Variants in ZNF79 observed in about 807,000 individuals in gnomAD.
The protein encoded by ZNF79 is zinc finger protein 79, also known as ZNFpT7.
ZNF79 carries 13 observed loss-of-function variants against 14.9 expected under a neutral mutation model. The observed-to-expected ratio is 0.87, with a 90% CI of 0.57 to 1.38. The LOEUF (loss-of-function observed/expected upper bound fraction) is 1.38. Ranked by LOEUF, ZNF79 falls within the 40% of genes most tolerant of loss-of-function variation. The pLI, the probability that ZNF79 is intolerant of heterozygous loss-of-function variation, is 0.00. For missense variants in ZNF79, 631 were observed against 630.6 expected (o/e 1.00, Z -0.01); for synonymous variants, 223 against 235.1 (o/e 0.95, Z 0.47).
At chr9:127,436,071 G>A in intron 4 of ZNF79, 68 bp downstream of exon 4, 2 of 1,270,288 alleles carry the variant, frequency 1.6e-6, no homozygotes, top group Admixed American at 3.4e-5. Flanking sequence ...ACGCATGAGT[G>A]TATTTGATTA....
intron 1 of ZNF79, among the ~76,000 whole-genome samples, chr9:127,428,016 T>C (rs1833792162): frequency 6.6e-6 from 1 of 152,176 alleles, no homozygotes; most frequent in Non-Finnish European, 1.5e-5. Context: ...TGTCTCACTC[T>C]GTCAACCAGG....
intron 2 of ZNF79, among the ~76,000 whole-genome samples, chr9:127,433,193 C>T (rs1833890816): frequency 6.6e-6 from 1 of 152,046 alleles, no homozygotes; most frequent in African/African-American, 2.4e-5. Context: ...AGACTGGTTC[C>T]AATATGGAAA....
Position 127,445,345 on chromosome 9 carries a change from A to G in ZNF79, c.*148A>G, listed in dbSNP as rs1564240684. 4.1e-6 allele frequency: 3 copies of G among 725,748 alleles called. No individual in the cohort carries two copies. The highest frequency in any genetic ancestry group is 6.7e-6 in the Non-Finnish European group (3 of 447,918). The allele number at this position is 725,748 out of a possible 1,614,324, so 45.0% of individuals were successfully genotyped here. On this transcript the variant is annotated 3_prime_UTR_variant, in exon 5 of 5. Transcript: ENST00000342483. ...CAGAGCCACATGCAAAACACCTTCAATAAACAGCCACTATTTCACATGCTG... is the reference window on the plus strand; with the variant it reads ...CAGAGCCACATGCAAAACACCTTCAGTAAACAGCCACTATTTCACATGCTG...
Position 127,444,860 on chromosome 9 carries a change from A to G in ZNF79, c.1160A>G (p.Lys387Arg). 1 of 1,614,102 alleles carries G rather than the reference A, an allele frequency of 6.2e-7. No homozygotes were observed. Reference sequence around the variant, plus strand: ...CATCAGAGGACTCACACTGGGGAGAAACCCTACAAGTGCAGCGAGTGTGGG... The same window carrying G: ...CATCAGAGGACTCACACTGGGGAGAGACCCTACAAGTGCAGCGAGTGTGGG... ...TNHQRTHTGE[K>R]PYKCSECGKA... Residue 387 changes from lysine (K) to arginine (R), a missense_variant, in exon 5 of 5, where the codon AAA (lysine) becomes AGA (arginine). Coordinates refer to ENST00000342483, the MANE Select transcript of ZNF79 (RefSeq NM_007135.3).
chr9:127,444,463 G>T lies in ZNF79; in HGVS notation c.763G>T (p.Gly255Ter). The T allele has an allele frequency of 6.2e-7, 1 of 1,610,554 alleles. No individual in the cohort carries two copies. The highest frequency in any genetic ancestry group is 1.7e-4 in the Middle Eastern group (1 of 6,048). The change falls in exon 5 of 5, where the codon GGA (glycine) becomes TGA (stop). Residue 255 changes from glycine (G) to a stop codon, truncating the protein, a stop_gained. Coordinates refer to ENST00000342483, the MANE Select transcript of ZNF79 (RefSeq NM_007135.3). LOFTEE classifies it low-confidence loss of function (END_TRUNC). ...GEKPYKCSEC[G>*]RAFSQNANLT... ...GAAGCCTTACAAGTGCAGTGAATGT[G>T]GAAGAGCCTTCAGCCAGAACGCCAA...
In ZNF79 at chr9:127,441,133, A is replaced by C. The variant is rs559809626; in HGVS notation, c.329-2896A>C. Among the ~76,000 whole-genome samples, 3 of 151,874 alleles carry C rather than the reference A, an allele frequency of 2.0e-5. No homozygotes were observed. In the East Asian group the frequency reaches 5.8e-4, roughly 30 times the overall value. ...GATGGTCTGCTTTTAAAAACTGTCA[A>C]ACCCATAGATGATCGGACCCCAAGT... On this transcript the variant is annotated intron_variant, in intron 4 of 4. Transcript: ENST00000342483.
intron 4 of ZNF79, 33 bp from the exon 5 acceptor site, chr9:127,443,996 A>G: frequency 6.5e-7 from 1 of 1,535,816 alleles, no homozygotes; most frequent in Middle Eastern, 1.8e-4. Context: ...CCTTCCACCA[A>G]GGGAACACAA....
chr9:127,444,152 T>A lies in ZNF79; in HGVS notation c.452T>A (p.Phe151Tyr). 1 of 1,613,638 alleles carries A rather than the reference T, an allele frequency of 6.2e-7. No individual in the cohort carries two copies. The highest frequency in any genetic ancestry group is 8.5e-7 in the Non-Finnish European group (1 of 1,179,970). Residue 151 changes from phenylalanine (F) to tyrosine (Y), a missense_variant, in exon 5 of 5, where the codon TTC becomes TAC. By Grantham distance (22) the Phe-to-Tyr change is conservative. Coordinates refer to ENST00000342483, the MANE Select transcript of ZNF79 (RefSeq NM_007135.3). ...GGGACCAGTGACCTTGAGAAGAGCT[T>A]CAATCTGAGACCAGTCCTCTCTCCG... is the stretch of plus-strand genomic sequence containing the variant. ...DHGTSDLEKS[F>Y]NLRPVLSPQQ... is the part of the protein sequence containing the mutation.
chr9:127,444,711 G>C lies in ZNF79; in HGVS notation c.1011G>C (p.Glu337Asp), dbSNP rs1834126763. ...HTGEKPYKCS[E>D]CGKAFSYCAA... ...GGGAGAAGCCCTACAAGTGCAGCGA[G>C]TGTGGGAAGGCCTTCAGTTACTGCG... Residue 337 changes from glutamate (E) to aspartate (D), a missense_variant, in exon 5 of 5, where the codon GAG becomes GAC. Physicochemically the swap from Glu to Asp is conservative, Grantham distance 45. Transcript: ENST00000342483. 3 of 1,609,988 alleles carry C rather than the reference G, an allele frequency of 1.9e-6. No homozygotes were observed. The highest frequency in any genetic ancestry group is 2.5e-6 in the Non-Finnish European group (3 of 1,178,744).
intron 1 of ZNF79, 184 bp downstream of exon 1, chr9:127,424,987 A>G: frequency 3.5e-6 from 5 of 1,446,390 alleles, no homozygotes; most frequent in Non-Finnish European, 4.6e-6. Context: ...GTGCCCCTAC[A>G]GTCCTTTTTT....
At chr9:127,428,195 G>A (rs1833795591) in intron 1 of ZNF79, among the ~76,000 whole-genome samples, 1 of 151,998 alleles carries the variant, frequency 6.6e-6, no homozygotes, top group African/African-American at 2.4e-5. Context: ...TGCCCAGGCT[G>A]GTCTCGAACT....
At position 127,445,042 on chromosome 9, in the gene ZNF79, A is replaced by G; in HGVS notation, c.1342A>G (p.Asn448Asp). 1 of 1,614,084 alleles carries G rather than the reference A, an allele frequency of 6.2e-7. No individual in the cohort carries two copies. Among genetic ancestry groups the G allele is most frequent in the African/African-American group, 1.3e-5 (1 of 74,994 alleles). Residue 448 changes from asparagine to aspartate, a missense_variant, in exon 5 of 5, where the codon AAT (asparagine) becomes GAT (aspartate). By Grantham distance (23) the Asn-to-Asp change is conservative. Transcript: ENST00000342483. Reference sequence around the variant, plus strand: ...CACCGGAGAAAAACCTTATGAGTGTAATGAGTGTGGTAAAGCGTTTAACCA... The same window carrying G: ...CACCGGAGAAAAACCTTATGAGTGTGATGAGTGTGGTAAAGCGTTTAACCA... Reference protein sequence around the residue: ...IHTGEKPYECNECGKAFNQSS... With the variant: ...IHTGEKPYECDECGKAFNQSS...
At chr9:127,432,240 C>T (rs1833873649) in intron 2 of ZNF79, among the ~76,000 whole-genome samples, 2 of 151,470 alleles carry the variant, frequency 1.3e-5, no homozygotes, top group African/African-American at 4.9e-5. Context: ...CTCCGCCTCC[C>T]GGGTTCATGC....
In ZNF79 at chr9:127,445,032, TTA is replaced by T. The variant is rs1284089581; in HGVS notation, c.1334_1335del (p.Tyr445Ter). ...HHIIHTGEKP[Y>X]ECNECGKAFN... The stretch of plus-strand genomic sequence containing the variant: ...ATATAATCCACACCGGAGAAAAACC[TTA>T]TGAGTGTAATGAGTGTGGTAAAGCG... On this transcript the variant is annotated frameshift_variant, in exon 5 of 5. Coordinates refer to ENST00000342483, the MANE Select transcript of ZNF79 (RefSeq NM_007135.3). LOFTEE classifies it high-confidence loss of function. 5.0e-6 allele frequency: 8 copies of T among 1,613,896 alleles called. No homozygotes were observed. Among genetic ancestry groups the T allele is most frequent in the African/African-American group, 1.3e-5 (1 of 74,922 alleles).
In ZNF79 at chr9:127,444,025, T is replaced by A. The variant is rs1218346336; in HGVS notation, c.329-4T>A. 5.8e-6 allele frequency: 9 copies of A among 1,561,742 alleles called. No homozygotes were observed. The highest frequency in any genetic ancestry group is 7.8e-6 in the Non-Finnish European group (9 of 1,153,996). ...AACACAACAGCTTTTCATTTTTTTT[T>A]CAGGCTGGAAGATTATATCTGGATC... is the stretch of plus-strand genomic sequence containing the variant. On this transcript the variant is annotated splice_polypyrimidine_tract_variant and splice_region_variant and intron_variant, in intron 4 of 4. Coordinates refer to ENST00000342483, the MANE Select transcript of ZNF79 (RefSeq NM_007135.3).
intron 2 of ZNF79, 47 bp from the exon 3 acceptor site, chr9:127,435,043 C>A: frequency 6.3e-7 from 1 of 1,576,514 alleles, no homozygotes; most frequent in Non-Finnish European, 8.6e-7. Flanking sequence ...CCCTATCACC[C>A]TAGATCCTAA....
At chr9:127,432,742 A>G (rs995152684) in intron 2 of ZNF79, among the ~76,000 whole-genome samples, 6 of 151,768 alleles carry the variant, frequency 4.0e-5, no homozygotes, top group Non-Finnish European at 8.8e-5. Flanking sequence ...TTTGTTGTTT[A>G]TTCACTTTGG....
At position 127,435,185 on chromosome 9, in the gene ZNF79, ACCAGGAAAGT is replaced by A. The variant is rs1213184655; in HGVS notation, c.208_217del (p.Lys70AlafsTer5). On this transcript the variant is annotated frameshift_variant, in exon 3 of 5. Transcript: ENST00000342483. LOFTEE classifies it high-confidence loss of function. The stretch of plus-strand genomic sequence containing the variant: ...CACGGGACAGGTTCAAGGAGGGGAT[ACCAGGAAAGT>A]CCAGGAGCCTTGTCCTACTAGGTAA... 6.2e-7 allele frequency: 1 copy of A among 1,611,856 alleles called. No individual in the cohort carries two copies. Among genetic ancestry groups the A allele is most frequent in the Admixed American group, 1.7e-5 (1 of 59,480 alleles).
chr9:127,430,935 C>A (rs772593931), intron 2 of ZNF79, among the ~76,000 whole-genome samples: 6 of 152,194 alleles, frequency 3.9e-5, no homozygotes, highest in Non-Finnish European at 7.4e-5. Flanking sequence ...GCAGCCTCGC[C>A]AGCATCTGTT....
Sources: gnomAD v4.1 joint callset for allele counts (sites outside exome capture counted in the v4.1 genomes callset) on GRCh38, gnomAD v4.1.1 for gene constraint, MANE v1.5 for transcripts, NCBI Gene and HGNC (gene_info 2026-07-23, HGNC 2026-07-21) for gene names.